The following FSHR variants were observed in gnomAD, a reference collection of about 807,000 sequenced individuals.
FSHR encodes follicle stimulating hormone receptor.
In FSHR, 46 loss-of-function variants were observed where a neutral mutation model predicts 52.1. The observed-to-expected ratio is 0.88, with a 90% CI of 0.70 to 1.13. FSHR has a LOEUF of 1.13. Ranked by LOEUF, FSHR falls within the 50% of genes most tolerant of loss-of-function variation. The pLI is 0.00. For synonymous variants in FSHR, 399 were observed against 309.6 expected, an observed-to-expected ratio of 1.29 and a Z score of -3.03; for missense variants, 964 against 834.6, an observed-to-expected ratio of 1.16 and a Z score of -1.91.
intron 1 of FSHR, among the ~76,000 whole-genome samples, chr2:49,070,841 A>G (rs941255015): frequency 6.6e-6 from 1 of 152,226 alleles, no homozygotes; most frequent in Non-Finnish European, 1.5e-5. Context: ...GAAGTCTTCT[A>G]TAAAACATTA....
chr2:49,030,306 G>A (rs1040328081), intron 2 of FSHR, among the ~76,000 whole-genome samples: 1 of 146,726 alleles, frequency 6.8e-6, no homozygotes, highest in Non-Finnish European at 1.5e-5. Context: ...GTGTGTGTGT[G>A]TGTGTGTGTT....
chr2:49,001,185 A>T (rs1666869016), intron 4 of FSHR, among the ~76,000 whole-genome samples: 1 of 152,166 alleles, frequency 6.6e-6, no homozygotes, highest in Non-Finnish European at 1.5e-5. Flanking sequence ...CATAAGCTAG[A>T]CACCATTGTA....
chr2:49,089,272 G>A (rs565325004), intron 1 of FSHR, among the ~76,000 whole-genome samples: 6 of 152,190 alleles, frequency 3.9e-5, no homozygotes, highest in African/African-American at 1.4e-4. Flanking sequence ...TGGAATGAAA[G>A]CATTTTCTTT....
chr2:49,034,376 T>G (rs1572660611), intron 2 of FSHR, among the ~76,000 whole-genome samples: 1 of 152,306 alleles, frequency 6.6e-6, no homozygotes, highest in African/African-American at 2.4e-5. Context: ...TGTGGTTAAC[T>G]TCCCCAAATC....
chr2:49,027,256 A>G (rs948244951), intron 2 of FSHR, among the ~76,000 whole-genome samples: 15 of 152,140 alleles, frequency 9.9e-5, no homozygotes, highest in African/African-American at 2.9e-4. Flanking sequence ...TCCACCACCA[A>G]TAGTTCTTAA....
At chr2:49,018,861 T>TG (rs1667592500) in intron 3 of FSHR, among the ~76,000 whole-genome samples, 4 of 151,768 alleles carry the variant, frequency 2.6e-5, no homozygotes, top group East Asian at 1.9e-4. Flanking sequence ...GTGTGTCTAT[T>TG]TGTGTGTGTG....
At chr2:49,154,235 T>G in intron 1 of FSHR, 31 bp downstream of exon 1, 1 of 1,605,964 alleles carries the variant, frequency 6.2e-7, no homozygotes, top group Non-Finnish European at 8.5e-7. Flanking sequence ...ATGCCAGCCA[T>G]GCAGTTGTTC....
chr2:48,979,121 G>A (rs1190996060), intron 8 of FSHR, among the ~76,000 whole-genome samples: 1 of 151,338 alleles, frequency 6.6e-6, no homozygotes, highest in Non-Finnish European at 1.5e-5. Context: ...AAGTTATCAG[G>A]CCTCAACCCT....
At chr2:49,127,802 CTT>C (rs1672078687) in intron 1 of FSHR, among the ~76,000 whole-genome samples, 1 of 55,014 alleles carries the variant, frequency 1.8e-5, no homozygotes, top group African/African-American at 7.7e-5. Flanking sequence ...TCTTCTTCTT[CTT>C]CTTCTTCTTC....
chr2:48,994,209 T>G (rs10490117), intron 4 of FSHR, among the ~76,000 whole-genome samples: 5,341 of 152,240 alleles, frequency 0.035, 277 homozygotes, highest in African/African-American at 0.12. Flanking sequence ...AGCTTACTCA[T>G]TCAACGTTAT....
chr2:49,040,063 G>T (rs563186139), intron 2 of FSHR, among the ~76,000 whole-genome samples: 2 of 152,282 alleles, frequency 1.3e-5, no homozygotes, highest in African/African-American at 2.4e-5. Flanking sequence ...AGCTTGGAGA[G>T]TCTATAGGTT....
At chr2:49,022,211 G>A (rs1305601415) in intron 2 of FSHR, among the ~76,000 whole-genome samples, 1 of 152,014 alleles carries the variant, frequency 6.6e-6, no homozygotes, top group Non-Finnish European at 1.5e-5. Flanking sequence ...AGAGACATAT[G>A]TCCTTGCCGA....
chr2:49,126,162 T>C (rs185989127), intron 1 of FSHR, among the ~76,000 whole-genome samples: 2 of 152,206 alleles, frequency 1.3e-5, no homozygotes, highest in Non-Finnish European at 2.9e-5. Flanking sequence ...TATCTGAGAC[T>C]GGGTAATTTA....
intron 1 of FSHR, among the ~76,000 whole-genome samples, chr2:49,088,668 C>T (rs1303116247): frequency 6.6e-6 from 1 of 152,120 alleles, no homozygotes; most frequent in East Asian, 1.9e-4. Context: ...CAATATTTAG[C>T]TCAAGATGCA....
chr2:49,085,092 C>T (rs1376443512), intron 1 of FSHR, among the ~76,000 whole-genome samples: 3 of 152,008 alleles, frequency 2.0e-5, no homozygotes, highest in East Asian at 1.9e-4. Context: ...TGCAAAAATC[C>T]TCAATAAAAT....
chr2:49,009,503 G>C (rs1243636690), intron 4 of FSHR, among the ~76,000 whole-genome samples: 2 of 128,422 alleles, frequency 1.6e-5, no homozygotes, highest in Non-Finnish European at 3.4e-5. Flanking sequence ...TTGACTTGGT[G>C]ATGCGGGCTC....
intron 8 of FSHR, among the ~76,000 whole-genome samples, chr2:48,979,683 A>G (rs528606660): frequency 6.6e-6 from 1 of 152,258 alleles, no homozygotes; most frequent in South Asian, 2.1e-4. Context: ...AGATCTCCCC[A>G]TGGGATCAGC....
chr2:49,127,477 T>A (rs1672047572), intron 1 of FSHR, among the ~76,000 whole-genome samples: 1 of 151,882 alleles, frequency 6.6e-6, no homozygotes, highest in African/African-American at 2.4e-5. Context: ...CTTTCTTTCC[T>A]TCTTCTGAAA....
At chr2:49,030,459 C>A (rs998982620) in intron 2 of FSHR, among the ~76,000 whole-genome samples, 3 of 152,160 alleles carry the variant, frequency 2.0e-5, no homozygotes, top group African/African-American at 7.2e-5. Flanking sequence ...CTGCTTCCAG[C>A]CTCTGTTTTC....
Sources: gnomAD v4.1 joint callset for allele counts (sites outside exome capture counted in the v4.1 genomes callset) on GRCh38, gnomAD v4.1.1 for gene constraint, MANE v1.5 for transcripts, NCBI Gene and HGNC (gene_info 2026-07-23, HGNC 2026-07-21) for gene names.